ZNF229: variants seen among roughly 807,000 people sequenced by gnomAD.
ZNF229 encodes the protein zinc finger protein 229.
ZNF229 carries 10 observed loss-of-function variants against 11.8 expected under a neutral mutation model. The ratio of observed to expected loss-of-function variants is 0.85; its 90% confidence interval spans 0.52 to 1.44. ZNF229 has a LOEUF of 1.44. ZNF229 is among the 40% of genes most tolerant of loss of function. ZNF229 has a pLI of 0.00. For synonymous variants in ZNF229, 368 were observed against 374.8 expected (o/e 0.98, Z 0.21); for missense variants, 1,045 against 1,015.1 (o/e 1.03, Z -0.40).
In ZNF229 at chr19:44,430,415, A is replaced by G. The variant is rs1287708684; in HGVS notation, c.366T>C (p.Cys122=). 1.9e-6 allele frequency: 3 copies of G among 1,614,170 alleles called. No individual in the cohort carries two copies. The highest frequency in any genetic ancestry group is 4.5e-5 in the East Asian group (2 of 44,884). ...AGTCTTTTCCTTGCAGATTTACTCT[A>G]CAGTCTTGGCTCCCAGGTAATTCAC... ...VAGELPGSQD[C]RVNLQGKDFQ... Residue 122 remains cysteine, a synonymous_variant, in exon 6 of 6, where the codon TGT becomes TGC. Transcript: ENST00000614049.
intron 4 of ZNF229, among the ~76,000 whole-genome samples, chr19:44,439,119 G>A (rs1337620337): frequency 6.6e-6 from 1 of 152,088 alleles, no homozygotes; most frequent in Non-Finnish European, 1.5e-5. Context: ...TTGAACCGAA[G>A]GGCACCCAGC....
Position 44,442,612 on chromosome 19 carries a change from G to C in ZNF229, c.44C>G (p.Ser15Cys). 6.2e-7 allele frequency: 1 copy of C among 1,614,096 alleles called. No homozygotes were observed. The highest frequency in any genetic ancestry group is 8.5e-7 in the Non-Finnish European group (1 of 1,180,002). The change falls in exon 4 of 6, where the codon TCT (serine) becomes TGT (cysteine). Residue 15 changes from serine to cysteine, a missense_variant. Physicochemically the swap from Ser to Cys is moderately radical, Grantham distance 112. Transcript: ENST00000614049. ...TSRHEKRALH[S>C]QASAISQDRE... ...ATCTTGGGAAATGGCTGAGGCTTGA[G>C]AATGAAGAGCTGTAGGAGGAGAAAG... is the stretch of plus-strand genomic sequence containing the variant.
chr19:44,442,475 C>A, intron 4 of ZNF229, 88 bp downstream of exon 4: 1 of 1,356,958 alleles, frequency 7.4e-7, no homozygotes, highest in East Asian at 2.3e-5. Flanking sequence ...ATACATTTTT[C>A]GCTCTTTTTC....
chr19:44,437,622 T>A (rs187122166), intron 4 of ZNF229, among the ~76,000 whole-genome samples: 1 of 152,306 alleles, frequency 6.6e-6, no homozygotes, highest in East Asian at 1.9e-4. Context: ...ATTGGGTATA[T>A]ACCCAAAGGA....
intron 4 of ZNF229, among the ~76,000 whole-genome samples, chr19:44,433,078 G>T (rs570121233): frequency 1.3e-5 from 2 of 151,988 alleles, no homozygotes; most frequent in South Asian, 2.1e-4. Context: ...TGGACACAGG[G>T]TCTCTTACTT....
chr19:44,433,520 G>A (rs940935167), intron 4 of ZNF229, among the ~76,000 whole-genome samples: 4 of 151,940 alleles, frequency 2.6e-5, no homozygotes, highest in Admixed American at 2.6e-4. Context: ...TGTGAGATCT[G>A]GTCATTTAAA....
chr19:44,429,776 G>A lies in ZNF229; in HGVS notation c.1005C>T (p.His335=). The change falls in exon 6 of 6, where the codon CAC becomes CAT. Residue 335 remains histidine (H), a synonymous_variant. Transcript: ENST00000614049. ...CAGGGGCTCTGGGGTGGTTACGTAT[G>A]TGCGTGTTCTGTCTGACGCCCCGAC... ...ERGRGVRQNT[H]IRNHPRAPVG... 1 of 1,614,040 alleles carries A rather than the reference G, an allele frequency of 6.2e-7. No homozygotes were observed. Among genetic ancestry groups the A allele is most frequent in the Non-Finnish European group, 8.5e-7 (1 of 1,180,026 alleles).
At chr19:44,436,823 C>T (rs1016699110) in intron 4 of ZNF229, among the ~76,000 whole-genome samples, 1 of 152,090 alleles carries the variant, frequency 6.6e-6, no homozygotes, top group Non-Finnish European at 1.5e-5. Flanking sequence ...AACCAGAGCA[C>T]AGAATGCAGG....
chr19:44,444,224 C>T (rs1213213076), intron 2 of ZNF229, among the ~76,000 whole-genome samples: 1 of 152,112 alleles, frequency 6.6e-6, no homozygotes, highest in Non-Finnish European at 1.5e-5. Context: ...TCCACCCTTC[C>T]CCACCTTGCC....
intron 4 of ZNF229, among the ~76,000 whole-genome samples, chr19:44,435,120 G>A (rs1323214038): frequency 2.6e-5 from 4 of 152,070 alleles, no homozygotes; most frequent in Non-Finnish European, 4.4e-5. Context: ...ACCCAGTCTC[G>A]AGTATGTCTT....
At chr19:44,439,653 A>C (rs901705633) in intron 4 of ZNF229, among the ~76,000 whole-genome samples, 15 of 152,188 alleles carry the variant, frequency 9.9e-5, no homozygotes, top group Non-Finnish European at 1.8e-4. Context: ...CATGTTGGCC[A>C]GGGTGGTCTT....
At chr19:44,430,657 A>T (rs904685022) in intron 5 of ZNF229, 115 bp from the exon 6 acceptor site, 1 of 972,536 alleles carries the variant, frequency 1.0e-6, no homozygotes, top group African/African-American at 1.6e-5. Flanking sequence ...TTTATGTATC[A>T]TAACTATTAG....
At chr19:44,446,192 C>A (rs1289186819) in intron 2 of ZNF229, among the ~76,000 whole-genome samples, 1 of 151,934 alleles carries the variant, frequency 6.6e-6, no homozygotes, top group East Asian at 1.9e-4. Context: ...GTAGAAATAA[C>A]AAAACTAAAA....
At chr19:44,447,697 AC>A (rs1972026183) in intron 1 of ZNF229, 97 bp from the exon 2 acceptor site, 1 of 152,078 alleles carries the variant, frequency 6.6e-6, no homozygotes, top group South Asian at 2.1e-4. Flanking sequence ...GATGTAATCT[AC>A]CCCTTCCTGT....
chr19:44,429,340 T>C lies in ZNF229; in HGVS notation c.1441A>G (p.Lys481Glu). 1.2e-6 allele frequency: 2 copies of C among 1,614,092 alleles called. No homozygotes were observed. Among genetic ancestry groups the C allele is most frequent in the Non-Finnish European group, 1.7e-6 (2 of 1,179,974 alleles). The change falls in exon 6 of 6, where the codon AAG becomes GAG. Residue 481 changes from lysine to glutamate, a missense_variant. Physicochemically the swap from Lys to Glu is moderately conservative, Grantham distance 56 (BLOSUM62 1). Transcript: ENST00000614049. ...TAGGGCCTCTCGCCGGTGTGTGTCT[T>C]CTGATGACTGCTGAGGTGGGAGCTG... ...SCSSHLSSHQ[K>E]THTGERPYQC...
intron 2 of ZNF229, 73 bp from the exon 3 acceptor site, chr19:44,443,097 T>A: frequency 1.7e-6 from 1 of 578,780 alleles, no homozygotes; most frequent in East Asian, 2.8e-5. Context: ...ATCCCCTGGA[T>A]ACTATTCATT....
At chr19:44,442,783 C>CG in intron 3 of ZNF229, 31 bp downstream of exon 3, 14 of 1,425,508 alleles carry the variant, frequency 9.8e-6, no homozygotes, top group African/African-American at 1.4e-5. Context: ...TTTGGATTCT[C>CG]CCCCCACCCA....
At chr19:44,445,136 C>T (rs1051264095) in intron 2 of ZNF229, among the ~76,000 whole-genome samples, 2 of 152,294 alleles carry the variant, frequency 1.3e-5, no homozygotes, top group South Asian at 2.1e-4. Flanking sequence ...ATTTCTTCCT[C>T]GTACTCTACA....
chr19:44,442,447 G>A (rs1005677932), intron 4 of ZNF229, 116 bp downstream of exon 4: 11 of 1,012,526 alleles, frequency 1.1e-5, no homozygotes, highest in African/African-American at 6.5e-5. Context: ...TAAATGCAAC[G>A]AGAAATGTAT....
Sources: allele counts gnomAD v4.1 joint callset (sites outside exome capture counted in the v4.1 genomes callset), GRCh38; gene constraint gnomAD v4.1.1; transcripts MANE v1.5; gene names NCBI Gene and HGNC (gene_info 2026-07-23, HGNC 2026-07-21).